ACTR3: variants seen among roughly 807,000 people sequenced by gnomAD.
The protein encoded by ACTR3 is actin-related protein 3.
Under a neutral mutation model 56.8 loss-of-function variants are expected in ACTR3, and 12 were observed. The observed-to-expected ratio is 0.21, with a 90% CI of 0.14 to 0.34. The LOEUF is 0.34. Ranked by LOEUF, ACTR3 falls within the 10% of genes least tolerant of loss-of-function variation. The probability of loss-of-function intolerance (pLI) is 1.00; values close to 1 mark genes in which losing one functional copy is unlikely to be tolerated. For missense variants in ACTR3, 282 were observed against 512.5 expected, an observed-to-expected ratio of 0.55 and a Z score of 4.34; for synonymous variants, 162 against 167.4, an observed-to-expected ratio of 0.97 and a Z score of 0.25.
At chr2:113,939,566 A>G (rs1042177454) in intron 6 of ACTR3, among the ~76,000 whole-genome samples, 2 of 152,228 alleles carry the variant, frequency 1.3e-5, no homozygotes, top group Non-Finnish European at 1.5e-5. Flanking sequence ...AAATGGATAC[A>G]TACTTGATTA....
intron 10 of ACTR3, chr2:113,954,655 C>T (rs1574386856): frequency 6.7e-6 from 1 of 149,958 alleles, no homozygotes; most frequent in African/African-American, 2.5e-5. Context: ...GATGCAGCCA[C>T]ATCTTTTTTT....
intron 7 of ACTR3, 81 bp from the exon 8 acceptor site, chr2:113,942,105 T>C: frequency 3.6e-6 from 4 of 1,099,600 alleles, no homozygotes; most frequent in Admixed American, 3.6e-5. Flanking sequence ...TATTGGATTA[T>C]AGTTTACTGA....
intron 3 of ACTR3, among the ~76,000 whole-genome samples, chr2:113,924,971 A>T (rs1425045876): frequency 1.3e-5 from 2 of 151,888 alleles, no homozygotes; most frequent in Non-Finnish European, 2.9e-5. Flanking sequence ...ATCTTGGCCT[A>T]CTGCAACCTC....
At chr2:113,940,126 A>G (rs913446064) in intron 7 of ACTR3, 24 bp downstream of exon 7, 1 of 1,583,754 alleles carries the variant, frequency 6.3e-7, no homozygotes, top group Non-Finnish European at 8.6e-7. Flanking sequence ...TAGGAGTGTA[A>G]TTTAGTTAAA....
intron 3 of ACTR3, among the ~76,000 whole-genome samples, chr2:113,925,650 T>C (rs1679606318): frequency 6.6e-6 from 1 of 152,234 alleles, no homozygotes; most frequent in African/African-American, 2.4e-5. Context: ...GAATAAATAA[T>C]ACTTAAAACA....
In ACTR3 at chr2:113,927,471, T is replaced by C. The variant is rs772602901; in HGVS notation, c.336+16T>C. On this transcript the variant is annotated intron_variant, in intron 4 of 11. Coordinates refer to ENST00000263238, the MANE Select transcript of ACTR3 (RefSeq NM_005721.5). ...TTTTCTTTTGGTAAGTTACAAGTTA[T>C]AATTTCACTGAGGAAATTTTTGAAT... The C allele has an allele frequency of 2.6e-6, 4 of 1,538,700 alleles. No individual in the cohort carries two copies. The highest frequency in any genetic ancestry group is 2.3e-5 in the East Asian group (1 of 44,198).
At chr2:113,947,692 A>G (rs1268835270) in intron 8 of ACTR3, among the ~76,000 whole-genome samples, 1 of 152,174 alleles carries the variant, frequency 6.6e-6, no homozygotes, top group African/African-American at 2.4e-5. Flanking sequence ...TGTAAATAAA[A>G]TGTGTTTCAT....
At chr2:113,923,130 T>C (rs1385522121) in intron 3 of ACTR3, among the ~76,000 whole-genome samples, 1 of 152,218 alleles carries the variant, frequency 6.6e-6, no homozygotes, top group African/African-American at 2.4e-5. Flanking sequence ...TCTCAATCTT[T>C]ATTCCTACCT....
Position 113,942,340 on chromosome 2 carries a change from A to C in ACTR3, c.839A>C (p.Glu280Ala). ...GGTTATGAGAGATTTTTGGGACCTG[A>C]AATCTTTTTTCATCCAGAGGTAATT... Reference protein sequence around the residue: ...DVGYERFLGPEIFFHPEFANP... With the variant: ...DVGYERFLGPAIFFHPEFANP... The change falls in exon 8 of 12, where the codon GAA (glutamate) becomes GCA (alanine). Residue 280 changes from glutamate to alanine, a missense_variant. Glu to Ala is a moderately radical substitution (Grantham distance 107). Coordinates refer to ENST00000263238, the MANE Select transcript of ACTR3 (RefSeq NM_005721.5). 1 of 1,576,188 alleles carries C rather than the reference A, an allele frequency of 6.3e-7. No individual in the cohort carries two copies. The highest frequency in any genetic ancestry group is 8.6e-7 in the Non-Finnish European group (1 of 1,166,598).
chr2:113,920,328 G>T (rs1357691222), intron 3 of ACTR3, among the ~76,000 whole-genome samples: 1 of 152,072 alleles, frequency 6.6e-6, no homozygotes, highest in Non-Finnish European at 1.5e-5. Context: ...TCAAAGTGTG[G>T]GATTACAGGC....
intron 1 of ACTR3, among the ~76,000 whole-genome samples, chr2:113,899,104 C>A (rs1173082838): frequency 6.6e-6 from 1 of 152,036 alleles, no homozygotes; most frequent in Non-Finnish European, 1.5e-5. Context: ...TCTTAGTGAC[C>A]AGTTCACTGA....
At chr2:113,916,842 T>C in intron 2 of ACTR3, 42 bp from the exon 3 acceptor site, 1 of 1,550,126 alleles carries the variant, frequency 6.5e-7, no homozygotes, top group Admixed American at 1.9e-5. Context: ...TTTTCTCATT[T>C]GAGGAAAATG....
At chr2:113,913,277 C>T (rs751954133) in intron 2 of ACTR3, 50 bp downstream of exon 2, 26 of 1,311,832 alleles carry the variant, frequency 2.0e-5, no homozygotes, top group Non-Finnish European at 2.5e-5. Context: ...AGATCCCCTT[C>T]CCTAATAATT....
chr2:113,918,034 A>T (rs115433445), intron 3 of ACTR3, among the ~76,000 whole-genome samples: 1 of 152,336 alleles, frequency 6.6e-6, no homozygotes, highest in African/African-American at 2.4e-5. Flanking sequence ...AAAAGGCTTT[A>T]CAGTATGAGA....
intron 1 of ACTR3, among the ~76,000 whole-genome samples, chr2:113,899,888 G>T (rs1335048561): frequency 6.6e-6 from 1 of 152,204 alleles, no homozygotes; most frequent in African/African-American, 2.4e-5. Context: ...AGATATTTCT[G>T]TTGGGAGCTG....
rs542279027 is a variant in ACTR3, at chr2:113,893,257, G to T, written c.44+2934G>T. Among the ~76,000 whole-genome samples, 42 of 130,112 alleles carry T rather than the reference G, an allele frequency of 3.2e-4. 1 individual carries two copies. The South Asian group carries it at 8.5e-3, about 26-fold the overall frequency. 85.4% of individuals were successfully genotyped at this position (130,112 alleles called of 152,430 possible). On this transcript the variant is annotated intron_variant, in intron 1 of 11. Coordinates refer to ENST00000263238, the MANE Select transcript of ACTR3 (RefSeq NM_005721.5). Reference sequence around the variant, plus strand: ...TTTTTTCTGGGCGGTGGAAGGGATCGTTTTTTAAATGTGTTTTTTGCTTTT... The same window carrying T: ...TTTTTTCTGGGCGGTGGAAGGGATCTTTTTTTAAATGTGTTTTTTGCTTTT...
chr2:113,889,952 C>T (rs1678848223), upstream of ACTR3: 1 of 531,110 alleles, frequency 1.9e-6, no homozygotes, highest in Non-Finnish European at 3.3e-6. Context: ...GCGTCGGCAC[C>T]GGCGGCCATC....
chr2:113,943,227 A>T (rs1460351357), intron 8 of ACTR3, among the ~76,000 whole-genome samples: 1 of 152,182 alleles, frequency 6.6e-6, no homozygotes, highest in Non-Finnish European at 1.5e-5. Context: ...GGTTGAACTG[A>T]GACTTAAAGG....
intron 5 of ACTR3, chr2:113,934,076 T>C (rs1366266491): frequency 1.5e-5 from 8 of 517,872 alleles, no homozygotes; most frequent in African/African-American, 4.0e-5. Context: ...TGTAAACCTC[T>C]AAGTTTGTCT....
Sources: gnomAD v4.1 joint callset for allele counts (sites outside exome capture counted in the v4.1 genomes callset) on GRCh38, gnomAD v4.1.1 for gene constraint, MANE v1.5 for transcripts, NCBI Gene and HGNC (gene_info 2026-07-23, HGNC 2026-07-21) for gene names.